TASP1: variants seen among roughly 807,000 people sequenced by gnomAD.
The protein encoded by TASP1 is taspase 1.
TASP1 carries 16 observed loss-of-function variants against 56.6 expected under a neutral mutation model. That is an observed-to-expected ratio of 0.28 (90% CI 0.19 to 0.43). The LOEUF (loss-of-function observed/expected upper bound fraction) is 0.43. TASP1 is among the 20% of genes least tolerant of loss of function. The probability of loss-of-function intolerance (pLI) is 1.00; values close to 1 mark genes in which losing one functional copy is unlikely to be tolerated. For missense variants in TASP1, 393 were observed against 511.6 expected (o/e 0.77, Z 2.24); for synonymous variants, 179 against 184.2 (o/e 0.97, Z 0.23).
the TASP1 span, among the ~76,000 whole-genome samples, chr20:13,219,992 A>T: frequency 6.6e-6 from 1 of 152,110 alleles, no homozygotes; most frequent in Admixed American, 6.5e-5. Context: ...AGAGTTGATT[A>T]TTTATTTAAT....
chr20:13,393,025 A>G, intron 13 of TASP1: 1 of 585,032 alleles, frequency 1.7e-6, no homozygotes, highest in Non-Finnish European at 3.2e-6. Context: ...GGGAGCCAAA[A>G]GGGTCATCAT....
the TASP1 span, among the ~76,000 whole-genome samples, chr20:13,153,774 A>G: frequency 6.6e-6 from 1 of 152,102 alleles, no homozygotes; most frequent in African/African-American, 2.4e-5. Context: ...AGTTGCTTGC[A>G]GCACCTCGTA....
the TASP1 span, among the ~76,000 whole-genome samples, chr20:13,269,050 A>G: frequency 6.6e-6 from 1 of 152,228 alleles, no homozygotes; most frequent in Admixed American, 6.5e-5. Context: ...GAGTGTTTTT[A>G]TACCAGATGT....
intron 13 of TASP1, among the ~76,000 whole-genome samples, chr20:13,399,320 A>G (rs1015068613): frequency 5.3e-5 from 8 of 152,294 alleles, no homozygotes; most frequent in African/African-American, 1.7e-4. Context: ...ATGTATCTCC[A>G]TCTTAGTCCT....
At chr20:13,629,380 A>G (rs967587229) in intron 2 of TASP1, among the ~76,000 whole-genome samples, 6 of 151,470 alleles carry the variant, frequency 4.0e-5, no homozygotes, top group Non-Finnish European at 7.4e-5. Context: ...AAAAAAAAAA[A>G]AAGAAGGTGA....
intron 8 of TASP1, among the ~76,000 whole-genome samples, chr20:13,552,951 G>A (rs987948652): frequency 1.3e-5 from 2 of 151,776 alleles, no homozygotes; most frequent in Non-Finnish European, 1.5e-5. Flanking sequence ...AGACAGAGTC[G>A]GGGAGACAGA....
the TASP1 span, among the ~76,000 whole-genome samples, chr20:13,360,012 C>A: frequency 6.6e-6 from 1 of 152,110 alleles, no homozygotes; most frequent in Non-Finnish European, 1.5e-5. Context: ...CCTTTTAAAG[C>A]CTATAAACTC....
intron 11 of TASP1, among the ~76,000 whole-genome samples, chr20:13,467,409 T>C (rs1331243324): frequency 6.8e-6 from 1 of 147,728 alleles, no homozygotes; most frequent in Non-Finnish European, 1.5e-5. Flanking sequence ...ATCTTTAAAA[T>C]GTCTTCCTAA....
At chr20:13,500,897 C>T (rs898722868) in intron 10 of TASP1, among the ~76,000 whole-genome samples, 8 of 151,970 alleles carry the variant, frequency 5.3e-5, no homozygotes, top group Admixed American at 2.0e-4. Context: ...CCTCAGAAAA[C>T]TCCAAAATGG....
the TASP1 span, among the ~76,000 whole-genome samples, chr20:13,345,857 A>G: frequency 6.7e-6 from 1 of 149,972 alleles, no homozygotes; most frequent in Non-Finnish European, 1.5e-5. Context: ...CTGCTGTCCC[A>G]GCCTCCTCAC....
At chr20:13,575,219 C>T (rs984152740) in intron 6 of TASP1, among the ~76,000 whole-genome samples, 1 of 152,112 alleles carries the variant, frequency 6.6e-6, no homozygotes, top group East Asian at 1.9e-4. Flanking sequence ...ATTATAAGAT[C>T]ATCTCAATAG....
chr20:13,266,749 T>A, the TASP1 span, among the ~76,000 whole-genome samples: 1 of 152,198 alleles, frequency 6.6e-6, no homozygotes, highest in South Asian at 2.1e-4. Context: ...AAGGTATCAT[T>A]TTCAGAGAAG....
At chr20:13,582,783 G>A (rs550300075) in intron 5 of TASP1, among the ~76,000 whole-genome samples, 35 of 152,278 alleles carry the variant, frequency 2.3e-4, no homozygotes, top group Non-Finnish European at 4.4e-4. Flanking sequence ...CCAGTTAACC[G>A]GTTTATTGCT....
intron 1 of TASP1, among the ~76,000 whole-genome samples, chr20:13,638,305 T>C (rs189058132): frequency 4.6e-5 from 7 of 152,006 alleles, no homozygotes; most frequent in African/African-American, 1.7e-4. Context: ...AAAGTTGAAC[T>C]CTCTCCTTCC....
the TASP1 span, among the ~76,000 whole-genome samples, chr20:13,157,561 T>G: frequency 6.6e-6 from 1 of 152,108 alleles, no homozygotes; most frequent in Non-Finnish European, 1.5e-5. Context: ...CTCTCAAGCT[T>G]TAGTCCATAG....
At chr20:13,623,709 C>T (rs2048794214) in intron 3 of TASP1, among the ~76,000 whole-genome samples, 195 bp from the exon 4 acceptor site, 2 of 152,150 alleles carry the variant, frequency 1.3e-5, no homozygotes, top group Admixed American at 6.5e-5. Flanking sequence ...ATATGGCTCA[C>T]TTAATATTAT....
the TASP1 span, among the ~76,000 whole-genome samples, chr20:13,221,476 G>T: frequency 7.0e-6 from 1 of 143,620 alleles, no homozygotes; most frequent in Non-Finnish European, 1.5e-5. Flanking sequence ...CTCCGCCGCC[G>T]CCGCCGCCAG....
chr20:13,205,325 T>C, the TASP1 span, among the ~76,000 whole-genome samples: 1 of 152,174 alleles, frequency 6.6e-6, no homozygotes, highest in Non-Finnish European at 1.5e-5. Flanking sequence ...TCTTCTAGTA[T>C]GTCCCTTCTC....
At chr20:13,376,744 CTT>C in the TASP1 span, among the ~76,000 whole-genome samples, 2 of 152,100 alleles carry the variant, frequency 1.3e-5, no homozygotes, top group East Asian at 3.8e-4. Flanking sequence ...TGTGTCCTCT[CTT>C]ATTTCCTTGA....
Sources: allele counts gnomAD v4.1 joint callset (sites outside exome capture counted in the v4.1 genomes callset), GRCh38; gene constraint gnomAD v4.1.1; transcripts MANE v1.5; gene names NCBI Gene and HGNC (gene_info 2026-07-23, HGNC 2026-07-21).